NCAM2: variants seen among roughly 807,000 people sequenced by gnomAD.
NCAM2 encodes the protein neural cell adhesion molecule 2, also known as N-CAM-2.
In NCAM2, 30 loss-of-function variants were observed where a neutral mutation model predicts 98.1. The ratio of observed to expected loss-of-function variants is 0.31; its 90% CI spans 0.23 to 0.41. The LOEUF is 0.41. Among genes scored for constraint, NCAM2 ranks in the 10% least tolerant of loss-of-function variants. The pLI, the probability that NCAM2 is intolerant of heterozygous loss-of-function variation, is 1.00. For synonymous variants in NCAM2, 368 were observed against 342.4 expected (o/e 1.07, Z -0.83); for missense variants, 867 against 1,005.8 (o/e 0.86, Z 1.87).
chr21:21,387,931 G>T (rs963068948), intron 9 of NCAM2, among the ~76,000 whole-genome samples: 1 of 152,152 alleles, frequency 6.6e-6, no homozygotes, highest in African/African-American at 2.4e-5. Context: ...CAGTCAGCTT[G>T]CCATAATAAT....
At chr21:21,003,356 C>G (rs2064054474) in intron 1 of NCAM2, among the ~76,000 whole-genome samples, 1 of 152,046 alleles carries the variant, frequency 6.6e-6, no homozygotes, top group Non-Finnish European at 1.5e-5. Flanking sequence ...TTTCTTGGCT[C>G]CATTTGATTT....
At chr21:21,305,701 G>C (rs1040669422) in intron 5 of NCAM2, among the ~76,000 whole-genome samples, 1 of 151,874 alleles carries the variant, frequency 6.6e-6, no homozygotes, top group African/African-American at 2.4e-5. Context: ...ACAGCTTTTG[G>C]TTTTTCTTGA....
At chr21:21,262,725 T>C (rs2071964984) in intron 1 of NCAM2, among the ~76,000 whole-genome samples, 1 of 150,068 alleles carries the variant, frequency 6.7e-6, no homozygotes, top group Non-Finnish European at 1.5e-5. Context: ...ATTAGTCCAT[T>C]TTCACACTGG....
intron 1 of NCAM2, among the ~76,000 whole-genome samples, chr21:21,138,221 G>A (rs951722123): frequency 2.0e-5 from 3 of 152,120 alleles, no homozygotes; most frequent in Admixed American, 2.0e-4. Context: ...AAGGCTGAAG[G>A]TGGAAGAAAA....
intron 1 of NCAM2, among the ~76,000 whole-genome samples, chr21:21,052,513 T>C (rs909167260): frequency 6.6e-6 from 1 of 151,960 alleles, no homozygotes; most frequent in Non-Finnish European, 1.5e-5. Context: ...CTCTAGCATA[T>C]AGTAAAGATT....
At chr21:21,204,715 C>T (rs983756402) in intron 1 of NCAM2, among the ~76,000 whole-genome samples, 1 of 152,140 alleles carries the variant, frequency 6.6e-6, no homozygotes, top group African/African-American at 2.4e-5. Flanking sequence ...GATACATCTA[C>T]TCTCTATTAT....
intron 10 of NCAM2, among the ~76,000 whole-genome samples, chr21:21,416,511 G>T (rs1387739501): frequency 7.9e-6 from 1 of 126,756 alleles, no homozygotes; most frequent in Non-Finnish European, 1.7e-5. Context: ...AAAAAGAAAA[G>T]AAAAAAGAAA....
chr21:21,072,562 A>G (rs1333960332), intron 1 of NCAM2, among the ~76,000 whole-genome samples: 1 of 152,166 alleles, frequency 6.6e-6, no homozygotes, highest in East Asian at 1.9e-4. Context: ...AGATAAATAA[A>G]TTAGACTTTT....
At chr21:21,015,760 A>G (rs2064294540) in intron 1 of NCAM2, among the ~76,000 whole-genome samples, 1 of 152,092 alleles carries the variant, frequency 6.6e-6, no homozygotes, top group African/African-American at 2.4e-5. Flanking sequence ...CTGGAGCGCA[A>G]TGGCACGATC....
chr21:21,115,957 T>TTGTGTGTGTG (rs58824475), intron 1 of NCAM2, among the ~76,000 whole-genome samples: 31 of 147,276 alleles, frequency 2.1e-4, no homozygotes, highest in South Asian at 1.1e-3. Context: ...CTCTGAGATT[T>TTGTGTGTGTG]TGTGTGTGTG....
Position 21,146,557 on chromosome 21 carries a change from G to GTA in NCAM2, c.56-134005_56-134004dup, listed in dbSNP as rs35673800. Among the ~76,000 whole-genome samples, 139 of 55,050 alleles carry GTA rather than the reference G, an allele frequency of 2.5e-3. 1 individual carries two copies. The highest frequency in any genetic ancestry group is 6.6e-3 in the African/African-American group (135 of 20,470). The allele number at this position is 55,050 out of a possible 152,430, so 36.1% of individuals were successfully genotyped here. On this transcript the variant is annotated intron_variant, in intron 1 of 17. Coordinates refer to ENST00000400546, the MANE Select transcript of NCAM2 (RefSeq NM_004540.5). ...TAAAATACTTACAGGATATATATATGTATATATATATATATATGGATTATA... is the reference window on the plus strand; with the variant it reads ...TAAAATACTTACAGGATATATATATGTATATATATATATATATATGGATTATA...
intron 5 of NCAM2, among the ~76,000 whole-genome samples, chr21:21,309,737 G>T (rs754094159): frequency 5.3e-5 from 8 of 152,042 alleles, no homozygotes. Context: ...CACTACCTCC[G>T]CACTCAGAGA....
At chr21:21,178,459 G>C (rs982241538) in intron 1 of NCAM2, among the ~76,000 whole-genome samples, 1 of 151,844 alleles carries the variant, frequency 6.6e-6, no homozygotes, top group Non-Finnish European at 1.5e-5. Context: ...TTATATAAAT[G>C]GTTCACTCAG....
intron 12 of NCAM2, among the ~76,000 whole-genome samples, chr21:21,453,181 G>C (rs1442436278): frequency 1.1e-4 from 12 of 108,090 alleles, no homozygotes; most frequent in Non-Finnish European, 2.2e-4. Context: ...TTTTAAAACA[G>C]TTAATGATAT....
At chr21:21,055,448 A>G (rs917713964) in intron 1 of NCAM2, among the ~76,000 whole-genome samples, 2 of 152,092 alleles carry the variant, frequency 1.3e-5, no homozygotes, top group African/African-American at 4.8e-5. Flanking sequence ...TACTAAAATA[A>G]TGACAGTTTT....
intron 1 of NCAM2, among the ~76,000 whole-genome samples, chr21:21,264,972 C>CACATAT (rs2072103060): frequency 3.6e-5 from 3 of 82,514 alleles, no homozygotes; most frequent in Non-Finnish European, 8.6e-5. Context: ...TATATATACA[C>CACATAT]ATATATATTA....
intron 9 of NCAM2, among the ~76,000 whole-genome samples, chr21:21,406,155 T>C (rs1250261791): frequency 6.6e-6 from 1 of 152,102 alleles, no homozygotes; most frequent in East Asian, 1.9e-4. Flanking sequence ...ACTAACACAA[T>C]AGTGCTCAAG....
At chr21:21,017,253 C>T (rs1329695001) in intron 1 of NCAM2, among the ~76,000 whole-genome samples, 2 of 151,466 alleles carry the variant, frequency 1.3e-5, no homozygotes, top group African/African-American at 2.4e-5. Flanking sequence ...GGTGAAAACC[C>T]GTCTCTACTA....
At chr21:21,220,506 C>G (rs8126840) in intron 1 of NCAM2, among the ~76,000 whole-genome samples, 10,090 of 152,140 alleles carry the variant, frequency 0.066, 958 homozygotes, top group African/African-American at 0.2. Flanking sequence ...CAAATTCTAT[C>G]ATGTCACATA....
Sources: allele counts gnomAD v4.1 joint callset (sites outside exome capture counted in the v4.1 genomes callset), GRCh38; gene constraint gnomAD v4.1.1; transcripts MANE v1.5; gene names NCBI Gene and HGNC (gene_info 2026-07-23, HGNC 2026-07-21).